TENM2: variants seen among roughly 807,000 people sequenced by gnomAD.
TENM2 encodes teneurin transmembrane protein 2, also known as teneurin-2.
Under a neutral mutation model 245.2 loss-of-function variants are expected in TENM2, and 52 were observed. The observed-to-expected ratio is 0.21, with a 90% CI of 0.17 to 0.27. The LOEUF is 0.27. TENM2 is among the 10% of genes least tolerant of loss of function. The pLI, the probability that TENM2 is intolerant of heterozygous loss-of-function variation, is 1.00. For synonymous variants in TENM2, 1,363 were observed against 1,438.9 expected (o/e 0.95, Z 1.19); for missense variants, 3,046 against 3,666.8 (o/e 0.83, Z 4.37).
the TENM2 span, among the ~76,000 whole-genome samples, chr5:167,030,211 C>T: frequency 6.6e-6 from 1 of 152,190 alleles, no homozygotes; most frequent in Admixed American, 6.5e-5. Flanking sequence ...TGAACACTCA[C>T]ACTTCTCCTT....
At chr5:167,009,838 A>G in the TENM2 span, among the ~76,000 whole-genome samples, 2 of 152,148 alleles carry the variant, frequency 1.3e-5, no homozygotes, top group Non-Finnish European at 2.9e-5. Flanking sequence ...CATCCATCAC[A>G]TTGGTTTTTA....
chr5:167,208,692 TC>T, the TENM2 span, among the ~76,000 whole-genome samples: 1 of 152,238 alleles, frequency 6.6e-6, no homozygotes, highest in African/African-American at 2.4e-5. Context: ...AAACGGAACA[TC>T]TTCTTAAGAC....
rs560841575 is a variant in TENM2, at chr5:168,080,768, T to G, written c.1516-9806T>G. Among the ~76,000 whole-genome samples, 5 of 152,376 alleles carry G rather than the reference T, an allele frequency of 3.3e-5. No homozygotes were observed. In the East Asian group the frequency reaches 9.6e-4, roughly 29 times the overall value. On this transcript the variant is annotated intron_variant, in intron 7 of 28. Coordinates refer to ENST00000518659, the Ensembl canonical transcript of TENM2. The stretch of plus-strand genomic sequence containing the variant: ...GAGTGAGTTTCTTAATCCTGAATTC[T>G]AGTTTGATTGCACTGTGGTCTGAGA...
At chr5:167,542,613 G>C (rs1772287147) in intron 2 of TENM2, among the ~76,000 whole-genome samples, 1 of 152,092 alleles carries the variant, frequency 6.6e-6, no homozygotes, top group African/African-American at 2.4e-5. Flanking sequence ...ACAGTCAGTT[G>C]CATAGCTTTT....
Position 168,163,611 on chromosome 5 carries a change from G to T in TENM2, c.2569+854G>T, listed in dbSNP as rs116339112. ...GTTTCTTCCTATTGACTGAACCAAG[G>T]GTTGGGCTGCTTGTTTTCAAGGTCC... On this transcript the variant is annotated intron_variant, in intron 13 of 28. Transcript: ENST00000518659. 1.0e-3 allele frequency among the ~76,000 whole-genome samples: 158 copies of T among 152,240 alleles called. 1 individual carries two copies. The highest frequency in any genetic ancestry group is 1.7e-3 in the Non-Finnish European group (116 of 68,012).
chr5:167,002,337 A>C, the TENM2 span, among the ~76,000 whole-genome samples: 1 of 152,208 alleles, frequency 6.6e-6, no homozygotes, highest in Non-Finnish European at 1.5e-5. Context: ...CACTATATTT[A>C]AAAGTTTCAT....
the TENM2 span, among the ~76,000 whole-genome samples, chr5:167,054,994 T>C: frequency 6.6e-6 from 1 of 152,134 alleles, no homozygotes; most frequent in Non-Finnish European, 1.5e-5. Flanking sequence ...CTCATTTTCT[T>C]GACATTGACT....
chr5:167,659,585 A>G (rs896152966), intron 2 of TENM2, among the ~76,000 whole-genome samples: 1 of 152,206 alleles, frequency 6.6e-6, no homozygotes, highest in Non-Finnish European at 1.5e-5. Context: ...TATTTCAGGC[A>G]TTCCTTTAAA....
At chr5:167,766,722 C>CA (rs1402257010) in intron 2 of TENM2, among the ~76,000 whole-genome samples, 2 of 151,684 alleles carry the variant, frequency 1.3e-5, no homozygotes, top group East Asian at 2.0e-4. Context: ...ACTAAAAATA[C>CA]AAAAAAATTA....
At chr5:168,069,508 G>A (rs932164297) in intron 7 of TENM2, among the ~76,000 whole-genome samples, 1 of 152,182 alleles carries the variant, frequency 6.6e-6, no homozygotes, top group African/African-American at 2.4e-5. Context: ...TTAACATGAT[G>A]TCTAAACCCA....
intron 3 of TENM2, among the ~76,000 whole-genome samples, chr5:167,931,051 C>T (rs1778243902): frequency 6.6e-6 from 1 of 152,180 alleles, no homozygotes. Flanking sequence ...ATGCCTTATG[C>T]TATAAGCTCT....
intron 2 of TENM2, among the ~76,000 whole-genome samples, chr5:167,773,414 TG>T (rs1478033157): frequency 6.6e-6 from 1 of 152,172 alleles, no homozygotes; most frequent in Non-Finnish European, 1.5e-5. Flanking sequence ...GTTTTTGTTA[TG>T]GGGTGGGAGG....
intron 2 of TENM2, among the ~76,000 whole-genome samples, chr5:167,561,940 C>T (rs527278334): frequency 2.0e-5 from 3 of 152,306 alleles, no homozygotes; most frequent in African/African-American, 2.4e-5. Context: ...CTTTCAGCTT[C>T]GTCATTTGCT....
At chr5:167,016,281 CA>C in the TENM2 span, among the ~76,000 whole-genome samples, 34,960 of 79,260 alleles carry the variant, frequency 0.44, 5,463 homozygotes, top group Admixed American at 0.55. Flanking sequence ...AACAAACAAA[CA>C]AAAAAAAAAA....
chr5:168,091,078 A>G (rs79949282), intron 8 of TENM2, among the ~76,000 whole-genome samples: 2,895 of 152,268 alleles, frequency 0.019, 82 homozygotes, highest in African/African-American at 0.066. Context: ...GTTTCCTCAT[A>G]GTAAAATAGG....
chr5:167,102,592 A>G, the TENM2 span, among the ~76,000 whole-genome samples: 254 of 152,326 alleles, frequency 1.7e-3, 3 homozygotes, highest in African/African-American at 5.3e-3. Flanking sequence ...GCACTGGTGC[A>G]TGAGTTCGGA....
At chr5:168,180,522 AAGGCTTTTTCTC>A (rs1445524256) in intron 13 of TENM2, among the ~76,000 whole-genome samples, 1 of 152,216 alleles carries the variant, frequency 6.6e-6, no homozygotes, top group African/African-American at 2.4e-5. Flanking sequence ...TGGATATTTG[AAGGCTTTTTCTC>A]AGTCACTCAG....
At chr5:167,992,521 T>C (rs1383823574) in intron 4 of TENM2, among the ~76,000 whole-genome samples, 1 of 152,182 alleles carries the variant, frequency 6.6e-6, no homozygotes, top group African/African-American at 2.4e-5. Context: ...CAAAATAATC[T>C]GTACATCAAA....
intron 2 of TENM2, among the ~76,000 whole-genome samples, chr5:167,861,526 C>T (rs1239401724): frequency 2.0e-5 from 3 of 152,172 alleles, no homozygotes; most frequent in Non-Finnish European, 4.4e-5. Context: ...CCCGGGTGCC[C>T]GTCCTAATGT....
Sources: allele counts gnomAD v4.1 joint callset (sites outside exome capture counted in the v4.1 genomes callset), GRCh38; gene constraint gnomAD v4.1.1; transcripts MANE v1.5; gene names NCBI Gene and HGNC (gene_info 2026-07-23, HGNC 2026-07-21).